IL1RAPL1: variants seen among roughly 807,000 people sequenced by gnomAD.
IL1RAPL1 encodes interleukin 1 receptor accessory protein like 1, also known as interleukin-1 receptor accessory protein-like 1.
Under a neutral mutation model 48.4 loss-of-function variants are expected in IL1RAPL1, and 3 were observed. The observed-to-expected ratio is 0.06, with a 90% CI of 0.03 to 0.16. IL1RAPL1 has a LOEUF of 0.16. IL1RAPL1 is among the 10% of genes least tolerant of loss of function. IL1RAPL1 has a pLI of 1.00. For synonymous variants in IL1RAPL1, 185 were observed against 187.7 expected (o/e 0.99, Z 0.12); for missense variants, 349 against 530.6 (o/e 0.66, Z 3.36).
chrX:29,492,324 C>A (rs766439994), intron 5 of IL1RAPL1, among the ~76,000 whole-genome samples: 2 of 111,977 alleles, frequency 1.8e-5, no homozygotes, highest in African/African-American at 6.5e-5. Context: ...TTATTGCTGC[C>A]GTAATAAATA....
chrX:29,709,492 C>G (rs1414900156), intron 6 of IL1RAPL1, among the ~76,000 whole-genome samples: 2 of 110,923 alleles, frequency 1.8e-5, no homozygotes, highest in Non-Finnish European at 3.8e-5. Flanking sequence ...CTATCCTGTT[C>G]CATTGGTCGA....
intron 2 of IL1RAPL1, among the ~76,000 whole-genome samples, chrX:29,232,904 T>G (rs2147559090): frequency 9.0e-6 from 1 of 110,579 alleles, no homozygotes; most frequent in East Asian, 2.9e-4. Flanking sequence ...GTTCAAGTGA[T>G]TCTCCTGTCT....
intron 6 of IL1RAPL1, among the ~76,000 whole-genome samples, chrX:29,868,868 A>G (rs184793243): frequency 8.9e-6 from 1 of 112,136 alleles, no homozygotes; most frequent in East Asian, 2.8e-4. Flanking sequence ...AGGGGCTTGC[A>G]TATGTTTTTT....
intron 1 of IL1RAPL1, among the ~76,000 whole-genome samples, chrX:28,755,182 G>A (rs1280692642): frequency 9.0e-6 from 1 of 110,981 alleles, no homozygotes; most frequent in African/African-American, 3.3e-5. Flanking sequence ...TTTTAGTAGA[G>A]ATGGGGTTTC....
intron 2 of IL1RAPL1, among the ~76,000 whole-genome samples, chrX:29,091,402 G>A (rs1928088615): frequency 8.9e-6 from 1 of 111,779 alleles, no homozygotes; most frequent in Admixed American, 9.5e-5. Context: ...AATCCCAACT[G>A]TTACTGTAAT....
intron 6 of IL1RAPL1, among the ~76,000 whole-genome samples, chrX:29,808,707 T>C (rs1930310146): frequency 8.9e-6 from 1 of 111,873 alleles, no homozygotes; most frequent in Non-Finnish European, 1.9e-5. Flanking sequence ...TTATACATTT[T>C]AACATATATA....
At chrX:29,887,023 C>G (rs913951609) in intron 6 of IL1RAPL1, among the ~76,000 whole-genome samples, 6 of 111,623 alleles carry the variant, frequency 5.4e-5, no homozygotes, top group African/African-American at 2.0e-4. Flanking sequence ...TTACTAATCC[C>G]AACCAATGAA....
chrX:29,413,696 G>A (rs779203775), intron 5 of IL1RAPL1, among the ~76,000 whole-genome samples: 15 of 109,750 alleles, frequency 1.4e-4, no homozygotes, highest in South Asian at 7.8e-4. Context: ...AATCTATTCC[G>A]TCAAATGTCA....
intron 6 of IL1RAPL1, among the ~76,000 whole-genome samples, chrX:29,757,408 T>G (rs1223920700): frequency 8.9e-6 from 1 of 111,949 alleles, no homozygotes; most frequent in Non-Finnish European, 1.9e-5. Context: ...TATGGAGCTA[T>G]TTCTTTCTAT....
At chrX:29,916,676 C>A (rs916665455) in intron 6 of IL1RAPL1, among the ~76,000 whole-genome samples, 2 of 111,853 alleles carry the variant, frequency 1.8e-5, no homozygotes, top group African/African-American at 6.5e-5. Flanking sequence ...TGTAAAGTGG[C>A]ATGAAATATC....
intron 1 of IL1RAPL1, among the ~76,000 whole-genome samples, chrX:28,773,545 A>C (rs1285057471): frequency 8.9e-6 from 1 of 112,043 alleles, no homozygotes; most frequent in Non-Finnish European, 1.9e-5. Flanking sequence ...CAAATGATGC[A>C]TTGAAATAGA....
chrX:28,913,368 A>G (rs1923407275), intron 2 of IL1RAPL1, among the ~76,000 whole-genome samples: 1 of 111,710 alleles, frequency 9.0e-6, no homozygotes, highest in South Asian at 3.7e-4. Flanking sequence ...TGAATTACAT[A>G]CATAATTTTA....
chrX:29,040,992 G>A (rs2147416573), intron 2 of IL1RAPL1, among the ~76,000 whole-genome samples: 1 of 112,094 alleles, frequency 8.9e-6, no homozygotes, highest in East Asian at 2.8e-4. Context: ...AGTTTAATAG[G>A]AATTGTCCTC....
intron 2 of IL1RAPL1, among the ~76,000 whole-genome samples, chrX:29,089,483 A>G (rs1464091366): frequency 1.8e-5 from 2 of 108,708 alleles, no homozygotes; most frequent in East Asian, 2.9e-4. Context: ...TCAGAATTCA[A>G]GAACTTATTT....
At chrX:28,838,904 C>T (rs1009331592) in intron 2 of IL1RAPL1, among the ~76,000 whole-genome samples, 2 of 110,952 alleles carry the variant, frequency 1.8e-5, no homozygotes, top group Non-Finnish European at 3.8e-5. Context: ...CACTGAAATA[C>T]GCACATTAAT....
intron 2 of IL1RAPL1, among the ~76,000 whole-genome samples, chrX:28,934,404 G>A (rs1189244064): frequency 1.8e-5 from 2 of 110,628 alleles, no homozygotes; most frequent in African/African-American, 6.6e-5. Flanking sequence ...TACAGTTCAT[G>A]CCTTTAAAGT....
intron 1 of IL1RAPL1, among the ~76,000 whole-genome samples, chrX:28,654,692 G>A (rs530733368): frequency 1.8e-5 from 2 of 111,868 alleles, no homozygotes; most frequent in South Asian, 3.7e-4. Context: ...ATAAACATTT[G>A]TTCAGCAACT....
intron 2 of IL1RAPL1, among the ~76,000 whole-genome samples, chrX:28,923,663 A>T (rs1046374634): frequency 9.0e-6 from 1 of 111,457 alleles, no homozygotes; most frequent in Non-Finnish European, 1.9e-5. Flanking sequence ...AGCACATATA[A>T]TACAATTTAT....
At chrX:29,091,458 CA>C (rs763850823) in intron 2 of IL1RAPL1, among the ~76,000 whole-genome samples, 1 of 112,108 alleles carries the variant, frequency 8.9e-6, no homozygotes, top group East Asian at 2.8e-4. Flanking sequence ...GGGCTTCTCT[CA>C]GTTGAGCCAA....
Sources: gnomAD v4.1 joint callset for allele counts (sites outside exome capture counted in the v4.1 genomes callset) on GRCh38, gnomAD v4.1.1 for gene constraint, MANE v1.5 for transcripts, NCBI Gene and HGNC (gene_info 2026-07-23, HGNC 2026-07-21) for gene names.